The following STPG2 variants were observed in gnomAD, a reference collection of about 807,000 sequenced individuals.
STPG2 encodes sperm-tail PG-rich repeat-containing protein 2.
A neutral mutation model predicts 54.2 loss-of-function variants in STPG2; 56 were observed. That is an observed-to-expected ratio of 1.03 (90% CI 0.83 to 1.29). The LOEUF is 1.29. STPG2 is among the 50% of genes most tolerant of loss of function. STPG2 has a pLI of 0.00. For synonymous variants in STPG2, 200 were observed against 181.8 expected (o/e 1.10, Z -0.81); for missense variants, 596 against 544.9 (o/e 1.09, Z -0.93).
intron 4 of STPG2, among the ~76,000 whole-genome samples, chr4:97,475,000 TATTC>T (rs1730036041): frequency 6.6e-6 from 1 of 152,250 alleles, no homozygotes; most frequent in African/African-American, 2.4e-5. Flanking sequence ...TTCATTTTCT[TATTC>T]ATTCACTCTA....
At chr4:97,573,533 G>C (rs939073599) in intron 10 of STPG2, among the ~76,000 whole-genome samples, 2 of 151,650 alleles carry the variant, frequency 1.3e-5, no homozygotes, top group Non-Finnish European at 2.9e-5. Context: ...TATTAACATA[G>C]TAATCATTTT....
chr4:97,975,399 G>T (rs993483982), intron 6 of STPG2, among the ~76,000 whole-genome samples: 1 of 152,046 alleles, frequency 6.6e-6, no homozygotes, highest in Non-Finnish European at 1.5e-5. Flanking sequence ...CCTATCATTT[G>T]ACCTCCCTGT....
intron 8 of STPG2, among the ~76,000 whole-genome samples, chr4:97,852,840 A>G (rs1474153664): frequency 6.6e-6 from 1 of 152,090 alleles, no homozygotes; most frequent in Non-Finnish European, 1.5e-5. Flanking sequence ...CATACTCCCA[A>G]GGTAACTATG....
intron 4 of STPG2, among the ~76,000 whole-genome samples, chr4:97,501,225 G>A (rs112764086): frequency 0.015 from 2,347 of 152,086 alleles, 58 homozygotes; most frequent in African/African-American, 0.054. Context: ...AGAGAAAATC[G>A]TCTTAAAAGG....
chr4:97,632,589 A>C (rs1265599026), intron 10 of STPG2, among the ~76,000 whole-genome samples: 1 of 152,148 alleles, frequency 6.6e-6, no homozygotes, highest in Non-Finnish European at 1.5e-5. Flanking sequence ...AGTTTTCAAA[A>C]AGAATGTAAC....
At chr4:98,125,361 G>A (rs1341174605) in intron 3 of STPG2, among the ~76,000 whole-genome samples, 1 of 151,978 alleles carries the variant, frequency 6.6e-6, no homozygotes, top group Non-Finnish European at 1.5e-5. Context: ...GGGGTTTTTT[G>A]TGGGGTCTTT....
At chr4:97,607,717 A>G (rs548541947) in intron 10 of STPG2, among the ~76,000 whole-genome samples, 45 of 152,184 alleles carry the variant, frequency 3.0e-4, no homozygotes, top group Non-Finnish European at 5.7e-4. Context: ...TATGTGTCAG[A>G]AGAGATGGAA....
chr4:97,493,540 A>G (rs1578341470), intron 4 of STPG2, among the ~76,000 whole-genome samples: 1 of 151,492 alleles, frequency 6.6e-6, no homozygotes, highest in South Asian at 2.1e-4. Context: ...AGAAAAAAAA[A>G]GGGATATACA....
At position 97,742,557 on chromosome 4, in the gene STPG2, GTGTGTGTGTC is replaced by G. The variant is rs1453536609; in HGVS notation, c.1205-29753_1205-29744del. Reference sequence around the variant, plus strand: ...TGTGTGTGTGTGTGTGTGTGTGTGTGTGTGTGTGTCTATATATATATGGAATACTATCAGG... The same window carrying G: ...TGTGTGTGTGTGTGTGTGTGTGTGTGTATATATATATGGAATACTATCAGG... On this transcript the variant is annotated intron_variant, in intron 9 of 10. Transcript: ENST00000295268. 8.2e-3 allele frequency among the ~76,000 whole-genome samples: 948 copies of G among 115,784 alleles called. 22 individuals carry two copies. The highest frequency in any genetic ancestry group is 0.031 in the African/African-American group (866 of 28,152). 76.0% of individuals were successfully genotyped at this position (115,784 alleles called of 152,430 possible). A position where few individuals can be genotyped will look rare whatever the true frequency, so the allele number is the denominator to read the frequency against.
chr4:97,496,224 G>A (rs956371858), intron 4 of STPG2, among the ~76,000 whole-genome samples: 1 of 151,600 alleles, frequency 6.6e-6, no homozygotes, highest in Non-Finnish European at 1.5e-5. Context: ...ATACCGTAAA[G>A]AGAATAGCAA....
chr4:97,594,043 T>A (rs1016780580), intron 10 of STPG2, among the ~76,000 whole-genome samples: 1 of 152,118 alleles, frequency 6.6e-6, no homozygotes, highest in Admixed American at 6.6e-5. Context: ...CGTCAGCCCA[T>A]ACAGATGAGA....
intron 10 of STPG2, among the ~76,000 whole-genome samples, chr4:97,644,025 T>C (rs1034701088): frequency 2.6e-5 from 4 of 151,898 alleles, no homozygotes; most frequent in Non-Finnish European, 5.9e-5. Context: ...AGTCTAGACT[T>C]GAATTGATAT....
intron 4 of STPG2, among the ~76,000 whole-genome samples, chr4:97,488,123 T>A (rs1289587961): frequency 2.0e-5 from 3 of 151,554 alleles, no homozygotes; most frequent in Admixed American, 6.6e-5. Context: ...ATTCAAGAAA[T>A]AACTAAGTAT....
chr4:97,645,753 T>C (rs1233024005), intron 10 of STPG2, among the ~76,000 whole-genome samples: 1 of 152,150 alleles, frequency 6.6e-6, no homozygotes, highest in Non-Finnish European at 1.5e-5. Context: ...TCATGGCTTC[T>C]GCAGTAGTTA....
intron 4 of STPG2, among the ~76,000 whole-genome samples, chr4:97,545,956 A>G (rs2148864688): frequency 6.6e-6 from 1 of 152,252 alleles, no homozygotes; most frequent in Non-Finnish European, 1.5e-5. Context: ...AAATGGAATG[A>G]GGTGTTAAGC....
intron 5 of STPG2, among the ~76,000 whole-genome samples, chr4:98,001,383 A>G (rs1735411472): frequency 6.6e-6 from 1 of 151,870 alleles, no homozygotes; most frequent in Admixed American, 6.6e-5. Flanking sequence ...GGTGCTATGT[A>G]AATGTTCGGA....
chr4:97,519,908 A>C (rs1329229159), intron 4 of STPG2, among the ~76,000 whole-genome samples: 1 of 152,080 alleles, frequency 6.6e-6, no homozygotes, highest in Non-Finnish European at 1.5e-5. Flanking sequence ...TCTTGAGTCG[A>C]AATGTCCATT....
chr4:97,828,145 C>T (rs536141535), intron 9 of STPG2, among the ~76,000 whole-genome samples: 2 of 152,266 alleles, frequency 1.3e-5, no homozygotes, highest in South Asian at 2.1e-4. Flanking sequence ...CCAGTGAGAC[C>T]GATGCAGAAG....
intron 8 of STPG2, among the ~76,000 whole-genome samples, chr4:97,943,372 T>C (rs1337834685): frequency 6.6e-6 from 1 of 152,190 alleles, no homozygotes; most frequent in African/African-American, 2.4e-5. Flanking sequence ...CAATCTGAAT[T>C]GCTCAACTAC....
Sources: gnomAD v4.1 joint callset for allele counts (sites outside exome capture counted in the v4.1 genomes callset) on GRCh38, gnomAD v4.1.1 for gene constraint, MANE v1.5 for transcripts, NCBI Gene and HGNC (gene_info 2026-07-23, HGNC 2026-07-21) for gene names.